FAM83B: variants seen among roughly 807,000 people sequenced by gnomAD.
FAM83B encodes protein FAM83B.
Under a neutral mutation model 38.8 loss-of-function variants are expected in FAM83B, and 26 were observed. That is an observed-to-expected ratio of 0.67 (90% CI 0.49 to 0.93). The LOEUF (loss-of-function observed/expected upper bound fraction) is 0.93. Among genes scored for constraint, FAM83B ranks in the 40% least tolerant of loss-of-function variants. FAM83B has a pLI of 0.00. For missense variants in FAM83B, 1,237 were observed against 1,197.3 expected, an observed-to-expected ratio of 1.03 and a Z score of -0.49; for synonymous variants, 419 against 423.1, an observed-to-expected ratio of 0.99 and a Z score of 0.12.
At chr6:54,930,182 A>G (rs754570813) in intron 4 of FAM83B, among the ~76,000 whole-genome samples, 12 of 152,140 alleles carry the variant, frequency 7.9e-5, no homozygotes, top group Non-Finnish European at 1.3e-4. Flanking sequence ...GTCAAAATGG[A>G]TCACTGATGA....
intron 3 of FAM83B, among the ~76,000 whole-genome samples, chr6:54,927,252 G>GT (rs142657286): frequency 0.032 from 4,832 of 152,160 alleles, 104 homozygotes; most frequent in Non-Finnish European, 0.045. Context: ...ACCCAAAAGG[G>GT]TTTTTTATAG....
At chr6:54,896,890 T>A (rs1228181724) in intron 2 of FAM83B, among the ~76,000 whole-genome samples, 1 of 152,212 alleles carries the variant, frequency 6.6e-6, no homozygotes, top group African/African-American at 2.4e-5. Flanking sequence ...AAGGAAGTTA[T>A]TTAACAAAAA....
In FAM83B at chr6:54,924,460, T is replaced by C. The variant is rs185140053; in HGVS notation, c.445-1911T>C. ...ATCTAGTATCTGCCCCGATTCTCTC[T>C]TAAATGCCTTCCACTGAGGCTTTTG... On this transcript the variant is annotated intron_variant, in intron 2 of 4. Transcript: ENST00000306858. Among the ~76,000 whole-genome samples, 372 of 151,338 alleles carry C rather than the reference T, an allele frequency of 2.5e-3. 2 individuals carry two copies. Among genetic ancestry groups the C allele is most frequent in the African/African-American group, 8.6e-3 (355 of 41,234 alleles).
At chr6:54,848,105 T>G (rs4715486) in intron 1 of FAM83B, among the ~76,000 whole-genome samples, 95,499 of 133,754 alleles carry the variant, frequency 0.71, 33,476 homozygotes, top group African/African-American at 0.86. Flanking sequence ...TTTATTGGAG[T>G]GGGGGTGGGG....
rs1008568938 is a variant in FAM83B, at chr6:54,905,714, T to C, written c.445-20657T>C. ...GTAACTTAGTAAAGGCTAAAACTTA[T>C]ATGTTAACAAAATAAATAATAGAGA... On this transcript the variant is annotated intron_variant, in intron 2 of 4. Transcript: ENST00000306858. Among the ~76,000 whole-genome samples, 54 of 152,126 alleles carry C rather than the reference T, an allele frequency of 3.5e-4. 1 individual carries two copies. Among genetic ancestry groups the C allele is most frequent in the South Asian group, 2.1e-4 (1 of 4,828 alleles).
chr6:54,889,113 T>G (rs2127579847), intron 2 of FAM83B, among the ~76,000 whole-genome samples: 1 of 152,228 alleles, frequency 6.6e-6, no homozygotes, highest in Non-Finnish European at 1.5e-5. Context: ...CATTAGTCTA[T>G]GTATTCAGTT....
chr6:54,910,109 T>C (rs188364549), intron 2 of FAM83B, among the ~76,000 whole-genome samples: 2 of 152,336 alleles, frequency 1.3e-5, no homozygotes, highest in African/African-American at 4.8e-5. Flanking sequence ...CCAGGAGCTT[T>C]CTTCTGAGAC....
Position 54,940,813 on chromosome 6 carries a change from G to C in FAM83B, c.1842G>C (p.Leu614Phe), listed in dbSNP as rs568079950. The stretch of plus-strand genomic sequence containing the variant: ...CAGAGGCACCAAAAATGCACACCTT[G>C]CAGGTTCCTGAAAACCACTCAGTAG... Reference protein sequence around the residue: ...LQSEAPKMHTLQVPENHSVAL... With the variant: ...LQSEAPKMHTFQVPENHSVAL... The change falls in exon 5 of 5, where the codon TTG (leucine) becomes TTC (phenylalanine). Residue 614 changes from leucine (L) to phenylalanine (F), a missense_variant. Leu to Phe is a conservative substitution (Grantham distance 22). Coordinates refer to ENST00000306858, the MANE Select transcript of FAM83B (RefSeq NM_001010872.3). 1.9e-6 allele frequency: 3 copies of C among 1,614,004 alleles called. No individual in the cohort carries two copies. Among genetic ancestry groups the C allele is most frequent in the African/African-American group, 2.7e-5 (2 of 75,000 alleles).
chr6:54,879,910 A>C (rs969316392), intron 2 of FAM83B, among the ~76,000 whole-genome samples: 4 of 152,208 alleles, frequency 2.6e-5, no homozygotes, highest in African/African-American at 9.7e-5. Flanking sequence ...TTCAAGGGGA[A>C]AATATATCTT....
chr6:54,926,857 G>A (rs560517693), intron 3 of FAM83B, among the ~76,000 whole-genome samples: 3 of 152,046 alleles, frequency 2.0e-5, no homozygotes, highest in South Asian at 2.1e-4. Context: ...TCAGCCTCTC[G>A]AGTAGCTGGG....
At position 54,939,964 on chromosome 6, in the gene FAM83B, A is replaced by C; in HGVS notation, c.993A>C (p.Lys331Asn). ...NLFGRQDKIHKLDSSYFKNRG... is the reference protein window; with the variant it reads ...NLFGRQDKIHNLDSSYFKNRG... ...TTGGTAGACAAGACAAGATTCATAA[A>C]CTAGATTCCAGTTACTTCAAAAACA... The change falls in exon 5 of 5, where the codon AAA (lysine) becomes AAC (asparagine). Residue 331 changes from lysine to asparagine, a missense_variant. Transcript: ENST00000306858. The C allele has an allele frequency of 6.2e-7, 1 of 1,614,078 alleles. No individual in the cohort carries two copies. Among genetic ancestry groups the C allele is most frequent in the Non-Finnish European group, 8.5e-7 (1 of 1,179,988 alleles).
At chr6:54,892,590 G>A (rs960777351) in intron 2 of FAM83B, among the ~76,000 whole-genome samples, 11 of 151,282 alleles carry the variant, frequency 7.3e-5, no homozygotes, top group Non-Finnish European at 1.6e-4. Context: ...TCCTGCAAAG[G>A]ACATGGTCTT....
chr6:54,873,458 A>G (rs939327203), intron 2 of FAM83B, among the ~76,000 whole-genome samples: 1 of 152,184 alleles, frequency 6.6e-6, no homozygotes, highest in African/African-American at 2.4e-5. Flanking sequence ...ATTGCTTTTT[A>G]AAGATTAAAT....
intron 2 of FAM83B, among the ~76,000 whole-genome samples, chr6:54,872,229 T>C (rs1322187690): frequency 1.3e-5 from 2 of 152,200 alleles, no homozygotes; most frequent in African/African-American, 4.8e-5. Context: ...GACCAAACTT[T>C]TATTGAATGA....
chr6:54,904,575 C>G (rs978536725), intron 2 of FAM83B, among the ~76,000 whole-genome samples: 2 of 152,174 alleles, frequency 1.3e-5, no homozygotes, highest in African/African-American at 4.8e-5. Context: ...AAAAAATAAA[C>G]ATATGGATAT....
rs2127575333 is a variant in FAM83B, at chr6:54,870,704, T to G, written c.444+14T>G. The G allele has an allele frequency of 6.4e-7, 1 of 1,560,306 alleles. No individual in the cohort carries two copies. The highest frequency in any genetic ancestry group is 8.6e-7 in the Non-Finnish European group (1 of 1,158,464). On this transcript the variant is annotated intron_variant, in intron 2 of 4. Transcript: ENST00000306858. ...GAAGCAAGAAAGGTAATAACATTTCTATTTTGAAATGAAAAATTTGAAACA... is the reference window on the plus strand; with the variant it reads ...GAAGCAAGAAAGGTAATAACATTTCGATTTTGAAATGAAAAATTTGAAACA...
chr6:54,936,953 C>T (rs974496954), intron 4 of FAM83B, among the ~76,000 whole-genome samples: 2 of 135,996 alleles, frequency 1.5e-5, no homozygotes, highest in Non-Finnish European at 3.2e-5. Context: ...ATCATGCTTC[C>T]TATAGGCATA....
intron 2 of FAM83B, among the ~76,000 whole-genome samples, chr6:54,892,925 C>A (rs1772439678): frequency 6.6e-6 from 1 of 151,828 alleles, no homozygotes; most frequent in Non-Finnish European, 1.5e-5. Flanking sequence ...TCATGATTCC[C>A]CCTTGCTTTC....
At chr6:54,922,989 G>A (rs1773203526) in intron 2 of FAM83B, among the ~76,000 whole-genome samples, 1 of 151,806 alleles carries the variant, frequency 6.6e-6, no homozygotes, top group Non-Finnish European at 1.5e-5. Context: ...GTATCTGCTA[G>A]TAAAAAATAC....
Sources: allele counts gnomAD v4.1 joint callset (sites outside exome capture counted in the v4.1 genomes callset), GRCh38; gene constraint gnomAD v4.1.1; transcripts MANE v1.5; gene names NCBI Gene and HGNC (gene_info 2026-07-23, HGNC 2026-07-21).